Variants in PHC2 observed in about 807,000 individuals in gnomAD.
PHC2 encodes the protein polyhomeotic-like protein 2.
PHC2 carries 29 observed loss-of-function variants against 87.4 expected under a neutral mutation model. The observed-to-expected ratio is 0.33, with a 90% confidence interval of 0.25 to 0.45. PHC2 has a LOEUF of 0.45. Ranked by LOEUF, PHC2 falls within the 20% of genes least tolerant of loss-of-function variation. The pLI, the probability that PHC2 is intolerant of heterozygous loss-of-function variation, is 1.00. For synonymous variants in PHC2, 438 were observed against 461.7 expected, an observed-to-expected ratio of 0.95 and a Z score of 0.66; for missense variants, 857 against 1,136.7, an observed-to-expected ratio of 0.75 and a Z score of 3.54.
In PHC2 at chr1:33,338,215, A is replaced by G. The variant is rs371394583; in HGVS notation, c.1559-3923T>C. ...ATGCCAGATACATTCGTGAGCAGAT[A>G]TGGTCACCAGCTCAAAGGCTACAGA... On this transcript the variant is annotated intron_variant, in intron 9 of 14. Transcript: ENST00000683057. Among the ~76,000 whole-genome samples the G allele has an allele frequency of 5.1e-4, 78 of 152,352 alleles. No homozygotes were observed. The South Asian group carries it at 0.013, about 26-fold the overall frequency.
intron 9 of PHC2, chr1:33,347,119 AGT>A (rs1646859375): frequency 2.0e-6 from 2 of 985,422 alleles, no homozygotes. Flanking sequence ...TCTGAAAAAG[AGT>A]GGATTCTGGG....
intron 9 of PHC2, chr1:33,346,266 C>G: frequency 1.0e-6 from 1 of 985,380 alleles, no homozygotes; most frequent in African/African-American, 1.7e-5. Context: ...AGAGGGGCAC[C>G]TCACTCCAGG....
At chr1:33,419,933 T>G (rs1304318386) in intron 1 of PHC2, among the ~76,000 whole-genome samples, 1 of 152,090 alleles carries the variant, frequency 6.6e-6, no homozygotes, top group Non-Finnish European at 1.5e-5. Flanking sequence ...AGGACACTTG[T>G]GATTGTATTT....
chr1:33,345,765 G>T, intron 9 of PHC2: 1 of 985,130 alleles, frequency 1.0e-6, no homozygotes, highest in Non-Finnish European at 1.2e-6. Flanking sequence ...GCAAATGGTT[G>T]ATTATTTTCC....
intron 1 of PHC2, among the ~76,000 whole-genome samples, chr1:33,416,411 C>CA (rs58443586): frequency 0.016 from 2,044 of 125,186 alleles, 22 homozygotes; most frequent in Non-Finnish European, 0.019. Context: ...ACTAAAAATA[C>CA]AAAAAAAAAA....
intron 1 of PHC2, among the ~76,000 whole-genome samples, chr1:33,430,121 C>A (rs1403081549): frequency 6.6e-6 from 1 of 151,954 alleles, no homozygotes; most frequent in African/African-American, 2.4e-5. Flanking sequence ...TGTAGCAGAC[C>A]TGGGGAGGGG....
chr1:33,368,521 G>C lies in PHC2; in HGVS notation c.663+15C>G, dbSNP rs1242242310. On this transcript the variant is annotated intron_variant, in intron 6 of 14. Transcript: ENST00000683057. The surrounding 1 kb of genome is among the most constrained non-coding windows in gnomAD (Gnocchi z 6.6). ...TGCCCACCCCCCTGCCCTCCCACAA[G>C]CATGGAGTCCTCACCTGGGCGGGGG... 2.8e-6 allele frequency: 4 copies of C among 1,418,050 alleles called. No homozygotes were observed. Among genetic ancestry groups the C allele is most frequent in the African/African-American group, 2.8e-5 (2 of 70,678 alleles). The allele number at this position is 1,418,050 out of a possible 1,614,324, so 87.8% of individuals were successfully genotyped here.
intron 13 of PHC2, among the ~76,000 whole-genome samples, chr1:33,329,771 G>A (rs1270525956): frequency 6.6e-6 from 1 of 152,184 alleles, no homozygotes; most frequent in Non-Finnish European, 1.5e-5. Flanking sequence ...GGTTACCTGA[G>A]CAGCCCAGGG....
chr1:33,426,461 A>G (rs1557851085), intron 1 of PHC2, among the ~76,000 whole-genome samples: 1 of 152,180 alleles, frequency 6.6e-6, no homozygotes, highest in African/African-American at 2.4e-5. Flanking sequence ...ATATCTTCCC[A>G]TGAACAAATG....
rs374862349 is a variant in PHC2, at chr1:33,368,611, C to T, written c.588G>A (p.Thr196=). The change falls in exon 6 of 15, where the codon ACG becomes ACA. Residue 196 remains threonine (T), a synonymous_variant. Coordinates refer to ENST00000683057, the MANE Select transcript of PHC2 (RefSeq NM_001385109.1). This position sits in a 1 kb window ranked among gnomAD's most constrained non-coding sequence, Gnocchi z 6.6. ...GCACAGTAGCGACGGTGGCCGTGGG[C>T]GTGAAGATGAGCTGAGGGGACAAAG... ...MYLRAQMLIF[T]PTATVATVQP... is the part of the protein sequence containing the mutation. 1.9e-6 allele frequency: 3 copies of T among 1,550,902 alleles called. No homozygotes were observed. Among genetic ancestry groups the T allele is most frequent in the African/African-American group, 1.4e-5 (1 of 73,002 alleles).
intron 1 of PHC2, chr1:33,392,642 T>C (rs930374155): frequency 2.0e-5 from 3 of 152,200 alleles, no homozygotes; most frequent in Admixed American, 1.3e-4. Context: ...AATATTGGTT[T>C]GACTGAGTAA....
At chr1:33,412,739 G>A (rs559355906) in intron 1 of PHC2, among the ~76,000 whole-genome samples, 1 of 152,202 alleles carries the variant, frequency 6.6e-6, no homozygotes, top group African/African-American at 2.4e-5. Context: ...ACTTGAAAGA[G>A]TATTGATGAT....
At chr1:33,385,019 C>T (rs1161052717) in intron 1 of PHC2, among the ~76,000 whole-genome samples, 2 of 152,286 alleles carry the variant, frequency 1.3e-5, no homozygotes, top group South Asian at 2.1e-4. Flanking sequence ...GCCATTAGCA[C>T]CTTTACTCAA....
At chr1:33,418,674 A>G (rs1650304881) in intron 1 of PHC2, among the ~76,000 whole-genome samples, 1 of 152,198 alleles carries the variant, frequency 6.6e-6, no homozygotes, top group Admixed American at 6.5e-5. Flanking sequence ...CAAAAAAAAG[A>G]AACAATGCCA....
intron 9 of PHC2, among the ~76,000 whole-genome samples, chr1:33,351,566 TAGACCTTCA>T (rs1646973179): frequency 6.6e-6 from 1 of 152,212 alleles, no homozygotes; most frequent in Admixed American, 6.5e-5. Flanking sequence ...TCGTTTCAAG[TAGACCTTCA>T]GCTCTTGAGG....
rs150292366 is a variant in PHC2 at position 33,394,079 on chromosome 1, T to C, written c.-54-18486A>G. On this transcript the variant is annotated intron_variant, in intron 1 of 14. Transcript: ENST00000683057. ...CTCTATTTCCACTCCTGTCCTATAA[T>C]AAATTTCAGAAAATTTTTGAGTCAG... is the stretch of plus-strand genomic sequence containing the variant. Among the ~76,000 whole-genome samples, 466 of 152,322 alleles carry C rather than the reference T, an allele frequency of 3.1e-3. 2 individuals carry two copies. The highest frequency in any genetic ancestry group is 0.011 in the African/African-American group (439 of 41,570).
At position 33,371,187 on chromosome 1, in the gene PHC2, G is replaced by A; in HGVS notation, c.334-93C>T. On this transcript the variant is annotated intron_variant, in intron 3 of 14. Transcript: ENST00000683057. ...TCCACAGGAGGTGCTGCAGGCTGGT[G>A]TTAAGGACAACAGCCTCTGGAGGTC... The A allele has an allele frequency of 2.8e-6, 3 of 1,087,220 alleles. No homozygotes were observed. The South Asian group carries it at 3.8e-5, about 14-fold the overall frequency. 67.3% of individuals were successfully genotyped at this position (1,087,220 alleles called of 1,614,324 possible). A position where few individuals can be genotyped will look rare whatever the true frequency, so the allele number is the denominator to read the frequency against.
intron 7 of PHC2, among the ~76,000 whole-genome samples, chr1:33,366,647 T>C (rs1276433626): frequency 1.3e-5 from 2 of 152,230 alleles, no homozygotes; most frequent in Non-Finnish European, 1.5e-5. Flanking sequence ...ACACCTAGAA[T>C]TGGCAACATG....
chr1:33,325,973 T>C, intron 14 of PHC2: 1 of 445,354 alleles, frequency 2.2e-6, no homozygotes, highest in South Asian at 1.6e-5. Flanking sequence ...TAAAGGAAAG[T>C]GAGGAAACTC....
Sources: allele counts gnomAD v4.1 joint callset (sites outside exome capture counted in the v4.1 genomes callset), GRCh38; gene constraint gnomAD v4.1.1; non-coding constraint Gnocchi (gnomAD v3.1); transcripts MANE v1.5; gene names NCBI Gene and HGNC (gene_info 2026-07-23, HGNC 2026-07-21).